The following ARID4B variants were observed in gnomAD, a reference collection of about 807,000 sequenced individuals.
ARID4B encodes the protein AT-rich interactive domain-containing protein 4B.
A neutral mutation model predicts 147.5 loss-of-function variants in ARID4B; 26 were observed. The observed-to-expected ratio is 0.18, with a 90% CI of 0.13 to 0.24. The LOEUF is 0.24. ARID4B is among the 10% of genes least tolerant of loss of function. The pLI, the probability that ARID4B is intolerant of heterozygous loss-of-function variation, is 1.00. For missense variants in ARID4B, 1,179 were observed against 1,511.5 expected, an observed-to-expected ratio of 0.78 and a Z score of 3.65; for synonymous variants, 512 against 507.9, an observed-to-expected ratio of 1.01 and a Z score of -0.11.
Position 235,177,300 on chromosome 1 carries a change from A to T in ARID4B, c.3448+500T>A, listed in dbSNP as rs1008443636. Among the ~76,000 whole-genome samples the T allele has an allele frequency of 8.5e-5, 13 of 152,234 alleles. 1 individual carries two copies. Among genetic ancestry groups the T allele is most frequent in the Admixed American group, 8.5e-4 (13 of 15,288 alleles). ...AGAACTGTGGAATACAAAGGTAACA[A>T]ATATGTTGATGTTTATAATATATTG... is the stretch of plus-strand genomic sequence containing the variant. On this transcript the variant is annotated intron_variant, in intron 21 of 23. Coordinates refer to ENST00000264183, the MANE Select transcript of ARID4B (RefSeq NM_016374.6).
chr1:235,286,317 A>G (rs1671970081), intron 2 of ARID4B, among the ~76,000 whole-genome samples: 1 of 152,214 alleles, frequency 6.6e-6, no homozygotes, highest in Non-Finnish European at 1.5e-5. Flanking sequence ...TACAGGCATG[A>G]GCCATCGCAC....
At chr1:235,244,160 G>A (rs1558240368) in intron 7 of ARID4B, among the ~76,000 whole-genome samples, 1 of 152,138 alleles carries the variant, frequency 6.6e-6, no homozygotes, top group Non-Finnish European at 1.5e-5. Context: ...GTAAATCTTA[G>A]CACTGTTACT....
intron 2 of ARID4B, among the ~76,000 whole-genome samples, chr1:235,325,662 G>A (rs374704585): frequency 6.6e-6 from 1 of 152,196 alleles, no homozygotes; most frequent in East Asian, 1.9e-4. Flanking sequence ...CACAGGTGAT[G>A]AGAGTTATAG....
intron 3 of ARID4B, among the ~76,000 whole-genome samples, chr1:235,260,255 T>C (rs904462975): frequency 1.6e-4 from 25 of 152,168 alleles, no homozygotes; most frequent in African/African-American, 5.8e-4. Flanking sequence ...TGCCTTAAAA[T>C]TGATGAACTA....
At chr1:235,192,607 T>C (rs1490891310) in intron 19 of ARID4B, among the ~76,000 whole-genome samples, 1 of 152,212 alleles carries the variant, frequency 6.6e-6, no homozygotes, top group Non-Finnish European at 1.5e-5. Flanking sequence ...CTAGCTTCTA[T>C]TAACATTCAA....
intron 2 of ARID4B, among the ~76,000 whole-genome samples, chr1:235,281,581 C>T (rs577605860): frequency 6.6e-5 from 10 of 152,072 alleles, no homozygotes; most frequent in Admixed American, 5.2e-4. Flanking sequence ...TAGCCCATGC[C>T]TGTGGCCCCA....
intron 22 of ARID4B, 35 bp from the exon 23 acceptor site, chr1:235,172,799 T>A: frequency 6.8e-7 from 1 of 1,469,376 alleles, no homozygotes; most frequent in Non-Finnish European, 9.0e-7. Flanking sequence ...CAGACATTTT[T>A]AAAGAAAATT....
intron 17 of ARID4B, among the ~76,000 whole-genome samples, chr1:235,211,746 A>G (rs1666733767): frequency 6.6e-6 from 1 of 152,114 alleles, no homozygotes; most frequent in African/African-American, 2.4e-5. Context: ...TTTTCTTCCT[A>G]ATTTTAAACT....
intron 2 of ARID4B, among the ~76,000 whole-genome samples, chr1:235,291,704 C>T (rs1174881104): frequency 4.8e-5 from 7 of 144,920 alleles, no homozygotes; most frequent in African/African-American, 1.6e-4. Context: ...AAAAATAGCC[C>T]GGGTGACATA....
At chr1:235,318,405 A>G (rs1674591247) in intron 2 of ARID4B, among the ~76,000 whole-genome samples, 1 of 151,994 alleles carries the variant, frequency 6.6e-6, no homozygotes, top group African/African-American at 2.4e-5. Context: ...AACTCCTGAC[A>G]TCGTGATCCA....
chr1:235,299,444 G>A (rs1384401338), intron 2 of ARID4B, among the ~76,000 whole-genome samples: 1 of 152,068 alleles, frequency 6.6e-6, no homozygotes, highest in African/African-American at 2.4e-5. Flanking sequence ...ACCCACCTCT[G>A]CCTCCCATAG....
intron 2 of ARID4B, among the ~76,000 whole-genome samples, chr1:235,301,473 A>T (rs911482666): frequency 2.6e-4 from 39 of 151,320 alleles, no homozygotes; most frequent in African/African-American, 9.5e-4. Context: ...TAGAAAGTCA[A>T]GGTTGCAGTG....
chr1:235,312,349 C>G (rs1462905192), intron 2 of ARID4B, among the ~76,000 whole-genome samples: 4 of 152,072 alleles, frequency 2.6e-5, no homozygotes, highest in Non-Finnish European at 5.9e-5. Context: ...TCAATACAGT[C>G]AAACATAACA....
At chr1:235,184,592 A>G (rs564318312) in intron 19 of ARID4B, among the ~76,000 whole-genome samples, 35 of 152,362 alleles carry the variant, frequency 2.3e-4, no homozygotes, top group African/African-American at 8.2e-4. Context: ...AATGTAAAAC[A>G]TAACTGACAT....
At chr1:235,288,529 G>A (rs553045953) in intron 2 of ARID4B, among the ~76,000 whole-genome samples, 1 of 152,192 alleles carries the variant, frequency 6.6e-6, no homozygotes, top group African/African-American at 2.4e-5. Context: ...AAATGTTTTA[G>A]AGATCTTTCT....
chr1:235,300,572 T>G (rs12031118), intron 2 of ARID4B, among the ~76,000 whole-genome samples: 44,330 of 151,928 alleles, frequency 0.29, 7,568 homozygotes, highest in South Asian at 0.53. Context: ...GAGATATCTG[T>G]GCTTAGAAGA....
intron 2 of ARID4B, among the ~76,000 whole-genome samples, chr1:235,302,468 CAAT>C (rs1456724377): frequency 6.6e-6 from 1 of 151,932 alleles, no homozygotes. Context: ...TAAAATATCT[CAAT>C]AATTTTGATA....
intron 23 of ARID4B, among the ~76,000 whole-genome samples, chr1:235,168,999 C>G (rs1416720820): frequency 2.0e-5 from 3 of 152,208 alleles, no homozygotes; most frequent in Non-Finnish European, 2.9e-5. Context: ...CAGGAAAAAT[C>G]TGCAATCCAT....
At chr1:235,318,097 A>C (rs1674558274) in intron 2 of ARID4B, among the ~76,000 whole-genome samples, 1 of 152,154 alleles carries the variant, frequency 6.6e-6, no homozygotes, top group Admixed American at 6.6e-5. Context: ...AGACTGACAA[A>C]ATGTCGTATC....
Sources: gnomAD v4.1 joint callset for allele counts (sites outside exome capture counted in the v4.1 genomes callset) on GRCh38, gnomAD v4.1.1 for gene constraint, MANE v1.5 for transcripts, NCBI Gene and HGNC (gene_info 2026-07-23, HGNC 2026-07-21) for gene names.